Variants in GDPD5 observed in about 807,000 individuals in gnomAD.
GDPD5 encodes glycerophosphodiester phosphodiesterase domain containing 5, also known as glycerophosphodiester phosphodiesterase 2.
A neutral mutation model predicts 75.1 loss-of-function variants in GDPD5; 48 were observed. That is an observed-to-expected ratio of 0.64 (90% CI 0.51 to 0.81). The LOEUF (loss-of-function observed/expected upper bound fraction) is 0.81. Among genes scored for constraint, GDPD5 ranks in the 40% least tolerant of loss-of-function variants. GDPD5 has a pLI of 0.00. For synonymous variants in GDPD5, 336 were observed against 339.0 expected (o/e 0.99, Z 0.10); for missense variants, 706 against 822.6 (o/e 0.86, Z 1.73).
chr11:75,496,238 C>T (rs952273654), intron 1 of GDPD5, among the ~76,000 whole-genome samples: 2 of 152,216 alleles, frequency 1.3e-5, no homozygotes, highest in Non-Finnish European at 2.9e-5. Flanking sequence ...GGGCAGTGGT[C>T]ATGGTGACCT....
At chr11:75,469,797 T>C (rs1949616914) in intron 3 of GDPD5, among the ~76,000 whole-genome samples, 1 of 152,210 alleles carries the variant, frequency 6.6e-6, no homozygotes, top group Admixed American at 6.5e-5. Flanking sequence ...GAATTCAACT[T>C]ATGGTGTTGG....
chr11:75,495,050 A>C (rs886920622), intron 1 of GDPD5, among the ~76,000 whole-genome samples: 5 of 151,766 alleles, frequency 3.3e-5, no homozygotes, highest in Admixed American at 2.0e-4. Flanking sequence ...GGCAGATCAC[A>C]AGGTCAGGAG....
chr11:75,443,234 T>G lies in GDPD5; in HGVS notation c.850A>C (p.Asn284His), dbSNP rs766862233. 6.2e-7 allele frequency: 1 copy of G among 1,609,286 alleles called. No homozygotes were observed. Among genetic ancestry groups the G allele is most frequent in the South Asian group, 1.1e-5 (1 of 89,632 alleles). ...MHDTTLRRTT[N>H]VEEEFPELAR... ...AGCTCCGGGAACTCCTCCTCCACGTTGGTGGTGCGCCGCAGGGTGGTGTCA... is the reference window on the plus strand; with the variant it reads ...AGCTCCGGGAACTCCTCCTCCACGTGGGTGGTGCGCCGCAGGGTGGTGTCA... The change falls in exon 11 of 17, where the codon AAC becomes CAC. Residue 284 changes from asparagine (N) to histidine (H), a missense_variant. Transcript: ENST00000336898.
At chr11:75,439,224 C>T (rs569933898) in intron 15 of GDPD5, 52 of 415,476 alleles carry the variant, frequency 1.3e-4, no homozygotes, top group East Asian at 7.2e-4. Context: ...GCGCTGTCTG[C>T]GAGGTGGCCC....
intron 1 of GDPD5, among the ~76,000 whole-genome samples, chr11:75,492,950 G>A (rs377215302): frequency 6.6e-6 from 1 of 152,146 alleles, no homozygotes; most frequent in African/African-American, 2.4e-5. Context: ...GGCTGGTCTT[G>A]AATTTCTGAC....
At chr11:75,509,144 T>C (rs72989921) in intron 1 of GDPD5, among the ~76,000 whole-genome samples, 3,959 of 152,174 alleles carry the variant, frequency 0.026, 77 homozygotes, top group African/African-American at 0.044. Flanking sequence ...GGGCAGGTCA[T>C]GTTAGACCCA....
intron 15 of GDPD5, among the ~76,000 whole-genome samples, chr11:75,439,154 G>A (rs897402332): frequency 3.9e-5 from 6 of 152,368 alleles, no homozygotes; most frequent in Middle Eastern, 3.4e-3. Flanking sequence ...GACACACACG[G>A]CAGTGGGACG....
rs1441175460 is a variant in GDPD5 at position 75,443,086 on chromosome 11, T to A, written c.948+50A>T. The stretch of plus-strand genomic sequence containing the variant: ...CCCTTGCACCTCTCACTCCTTGCAG[T>A]CCCTGCTGGTGTTTTCCATGCCTAA... On this transcript the variant is annotated intron_variant, in intron 11 of 16. Coordinates refer to ENST00000336898, the MANE Select transcript of GDPD5 (RefSeq NM_030792.8). The A allele has an allele frequency of 3.8e-6, 6 of 1,564,300 alleles. No individual in the cohort carries two copies. In the South Asian group the frequency reaches 4.7e-5, roughly 12 times the overall value.
chr11:75,510,918 A>G (rs954547036), intron 1 of GDPD5, among the ~76,000 whole-genome samples: 2 of 152,174 alleles, frequency 1.3e-5, no homozygotes, highest in Non-Finnish European at 1.5e-5. Context: ...TGTGTCACCC[A>G]CCCAAAGCAA....
At chr11:75,489,799 G>C (rs571043918) in intron 2 of GDPD5, among the ~76,000 whole-genome samples, 1 of 151,528 alleles carries the variant, frequency 6.6e-6, no homozygotes, top group Non-Finnish European at 1.5e-5. Context: ...GAGTGTAGTG[G>C]CACAATCATA....
At chr11:75,513,921 G>C (rs1950585266) in intron 1 of GDPD5, among the ~76,000 whole-genome samples, 1 of 152,182 alleles carries the variant, frequency 6.6e-6, no homozygotes, top group Non-Finnish European at 1.5e-5. Flanking sequence ...CTGCCGCAGG[G>C]ACCCTCACCA....
At chr11:75,444,118 T>C (rs1177177754) in intron 10 of GDPD5, among the ~76,000 whole-genome samples, 1 of 152,240 alleles carries the variant, frequency 6.6e-6, no homozygotes, top group Non-Finnish European at 1.5e-5. Context: ...AGTGAATGTA[T>C]CACTCTGCAA....
intron 6 of GDPD5, chr11:75,455,243 C>A: frequency 2.2e-6 from 1 of 452,980 alleles, no homozygotes; most frequent in Non-Finnish European, 4.4e-6. Flanking sequence ...GTGACCACAG[C>A]ATGTGCCAGC....
At chr11:75,506,497 G>A (rs1013486396) in intron 1 of GDPD5, among the ~76,000 whole-genome samples, 4 of 152,210 alleles carry the variant, frequency 2.6e-5, no homozygotes, top group East Asian at 1.9e-4. Flanking sequence ...TACTTAAATC[G>A]CACAAAGCCT....
At chr11:75,457,199 C>A (rs964073015) in intron 5 of GDPD5, among the ~76,000 whole-genome samples, 4 of 152,248 alleles carry the variant, frequency 2.6e-5, no homozygotes, top group Admixed American at 6.5e-5. Context: ...GATCCACCTG[C>A]ATCTCAGTGA....
chr11:75,488,076 T>C (rs1592128976), intron 2 of GDPD5, among the ~76,000 whole-genome samples: 1 of 152,254 alleles, frequency 6.6e-6, no homozygotes, highest in South Asian at 2.1e-4. Context: ...CTGGTGGTTC[T>C]CCAGCCTCTC....
Position 75,450,002 on chromosome 11 carries a change from C to T in GDPD5, c.376-19G>A. 1 of 1,607,680 alleles carries T rather than the reference C, an allele frequency of 6.2e-7. No homozygotes were observed. Among genetic ancestry groups the T allele is most frequent in the Non-Finnish European group, 8.5e-7 (1 of 1,175,062 alleles). On this transcript the variant is annotated intron_variant, in intron 6 of 16. Coordinates refer to ENST00000336898, the MANE Select transcript of GDPD5 (RefSeq NM_030792.8). ...GCCCGATCTGGAGGGGGAAGAGTCA[C>T]CGGACAGAGGCTCAGAGCGGGTGGG...
intron 8 of GDPD5, 142 bp downstream of exon 8, chr11:75,449,375 T>G: frequency 2.4e-6 from 2 of 820,336 alleles, no homozygotes; most frequent in Non-Finnish European, 3.9e-6. Flanking sequence ...TGGGCCACTC[T>G]GAGCCAGAAT....
Position 75,497,120 on chromosome 11 carries a change from A to G in GDPD5, c.-144-6800T>C, listed in dbSNP as rs573603453. ...TTTTATAGATGGTAAACAGAGCTCG[A>G]GAGGGTTTAGGGTCTCTTGAATTCA... is the stretch of plus-strand genomic sequence containing the variant. On this transcript the variant is annotated intron_variant, in intron 1 of 16. Coordinates refer to ENST00000336898, the MANE Select transcript of GDPD5 (RefSeq NM_030792.8). Among the ~76,000 whole-genome samples the G allele has an allele frequency of 2.4e-4, 36 of 152,138 alleles. 1 individual carries two copies. The highest frequency in any genetic ancestry group is 3.4e-3 in the Middle Eastern group (1 of 294).
Sources: allele counts gnomAD v4.1 joint callset (sites outside exome capture counted in the v4.1 genomes callset), GRCh38; gene constraint gnomAD v4.1.1; transcripts MANE v1.5; gene names NCBI Gene and HGNC (gene_info 2026-07-23, HGNC 2026-07-21).